LRRC4C: variants seen among roughly 807,000 people sequenced by gnomAD.
The protein encoded by LRRC4C is leucine-rich repeat-containing protein 4C.
Under a neutral mutation model 33.6 loss-of-function variants are expected in LRRC4C, and 5 were observed. That is an observed-to-expected ratio of 0.15 (90% CI 0.08 to 0.31). The LOEUF (loss-of-function observed/expected upper bound fraction) is 0.31. Ranked by LOEUF, LRRC4C falls within the 10% of genes least tolerant of loss-of-function variation. The pLI is 1.00. For missense variants in LRRC4C, 560 were observed against 796.7 expected, an observed-to-expected ratio of 0.70 and a Z score of 3.58; for synonymous variants, 329 against 302.0, an observed-to-expected ratio of 1.09 and a Z score of -0.93.
chr11:40,320,460 C>T (rs796757402), intron 3 of LRRC4C, among the ~76,000 whole-genome samples: 2 of 151,954 alleles, frequency 1.3e-5, no homozygotes, highest in African/African-American at 4.8e-5. Flanking sequence ...GAGCTGAGAT[C>T]GCGCCACTGC....
intron 1 of LRRC4C, among the ~76,000 whole-genome samples, chr11:41,367,691 A>G (rs534236994): frequency 6.6e-6 from 1 of 152,150 alleles, no homozygotes; most frequent in African/African-American, 2.4e-5. Context: ...TTTCTTTTAG[A>G]CACTCGGTAT....
intron 2 of LRRC4C, among the ~76,000 whole-genome samples, chr11:40,729,294 A>G (rs1449706987): frequency 3.3e-5 from 5 of 152,212 alleles, no homozygotes; most frequent in Non-Finnish European, 7.3e-5. Flanking sequence ...TTTTACAGTC[A>G]TTAGGTCAAA....
chr11:40,651,631 A>C lies in LRRC4C; in HGVS notation c.-406-3353T>G, dbSNP rs758494831. 3.7e-4 allele frequency among the ~76,000 whole-genome samples: 56 copies of C among 152,220 alleles called. 1 individual carries two copies. Among genetic ancestry groups the C allele is most frequent in the Middle Eastern group, 3.2e-3 (1 of 316 alleles). On this transcript the variant is annotated intron_variant, in intron 2 of 6. Coordinates refer to ENST00000528697, the MANE Select transcript of LRRC4C (RefSeq NM_001258419.2). The stretch of plus-strand genomic sequence containing the variant: ...GGGAAAAATTAGTGCATCAATGGAA[A>C]ACTATACGTTTAGCACACCCTTCTG...
chr11:40,141,010 A>G (rs1857326543), intron 5 of LRRC4C, among the ~76,000 whole-genome samples, 157 bp from the exon 6 acceptor site: 2 of 152,162 alleles, frequency 1.3e-5, no homozygotes, highest in African/African-American at 2.4e-5. Context: ...CCTGGGCAGA[A>G]AGCCAAAGCA....
intron 3 of LRRC4C, among the ~76,000 whole-genome samples, chr11:40,523,668 A>G (rs1212646448): frequency 6.6e-6 from 1 of 151,486 alleles, no homozygotes; most frequent in Non-Finnish European, 1.5e-5. Context: ...GGTTTCCATA[A>G]GGAGAGGTAA....
intron 3 of LRRC4C, among the ~76,000 whole-genome samples, chr11:40,515,420 A>G (rs1211306780): frequency 6.6e-6 from 1 of 152,106 alleles, no homozygotes; most frequent in Non-Finnish European, 1.5e-5. Context: ...TTTCTTTTCT[A>G]TATGTGAATA....
In LRRC4C at chr11:41,427,017, GA is replaced by G. The variant is rs1198184187; in HGVS notation, c.-496+32413del. 6.3e-4 allele frequency among the ~76,000 whole-genome samples: 96 copies of G among 152,270 alleles called. 1 individual carries two copies. Among genetic ancestry groups the G allele is most frequent in the Non-Finnish European group, 1.5e-5 (1 of 68,004 alleles). ...AGTTGTTTAGTCAAAGCAATTTACA[GA>G]ACCAATTTGATAATTTCAGGGAGAA... On this transcript the variant is annotated intron_variant, in intron 1 of 6. Coordinates refer to ENST00000528697, the MANE Select transcript of LRRC4C (RefSeq NM_001258419.2).
chr11:41,393,274 A>G (rs923786673), intron 1 of LRRC4C, among the ~76,000 whole-genome samples: 1 of 151,926 alleles, frequency 6.6e-6, no homozygotes, highest in African/African-American at 2.4e-5. Flanking sequence ...GGCAAACTAC[A>G]TCTCCATAGA....
At chr11:40,214,061 C>G (rs1454070401) in intron 5 of LRRC4C, among the ~76,000 whole-genome samples, 1 of 152,186 alleles carries the variant, frequency 6.6e-6, no homozygotes, top group Non-Finnish European at 1.5e-5. Context: ...ATGCTGTGGA[C>G]TAAATTGTGT....
intron 6 of LRRC4C, among the ~76,000 whole-genome samples, chr11:40,135,852 C>T (rs963578122): frequency 4.6e-5 from 7 of 152,040 alleles, no homozygotes; most frequent in African/African-American, 1.2e-4. Flanking sequence ...AAAGGCATAC[C>T]GCAAAAATAA....
At position 41,379,096 on chromosome 11, in the gene LRRC4C, G is replaced by A. The variant is rs1215739215; in HGVS notation, c.-496+80335C>T. Reference sequence around the variant, plus strand: ...ATACCCACACTTTACTCCCAAAGGGGTAGGGCCCTGTATCTAAGTGGTTTC... The same window carrying A: ...ATACCCACACTTTACTCCCAAAGGGATAGGGCCCTGTATCTAAGTGGTTTC... On this transcript the variant is annotated intron_variant, in intron 1 of 6. Coordinates refer to ENST00000528697, the MANE Select transcript of LRRC4C (RefSeq NM_001258419.2). Among the ~76,000 whole-genome samples, 8 of 151,876 alleles carry A rather than the reference G, an allele frequency of 5.3e-5. No homozygotes were observed. The East Asian group carries it at 1.5e-3, about 29-fold the overall frequency.
In LRRC4C at chr11:40,884,984, G is replaced by T. The variant is rs138563702; in HGVS notation, c.-407+48651C>A. Among the ~76,000 whole-genome samples, 347 of 152,072 alleles carry T rather than the reference G, an allele frequency of 2.3e-3. 2 individuals are homozygous for T. Among genetic ancestry groups the T allele is most frequent in the African/African-American group, 7.9e-3 (327 of 41,524 alleles). On this transcript the variant is annotated intron_variant, in intron 2 of 6. Transcript: ENST00000528697. ...ATAGACACTGGAACTTCAAAAAGGT[G>T]GGGGGTGAGAAAGGAGTGAGGGATG...
intron 1 of LRRC4C, among the ~76,000 whole-genome samples, chr11:41,087,244 T>C (rs1940067624): frequency 6.6e-6 from 1 of 152,116 alleles, no homozygotes; most frequent in South Asian, 2.1e-4. Flanking sequence ...CATAGCTGAA[T>C]CCACGCCCAT....
chr11:40,547,916 T>A (rs1047817903), intron 3 of LRRC4C, among the ~76,000 whole-genome samples: 7 of 152,104 alleles, frequency 4.6e-5, no homozygotes, highest in Admixed American at 6.6e-5. Context: ...CCAGACACTG[T>A]TCTAGTGATT....
intron 2 of LRRC4C, among the ~76,000 whole-genome samples, chr11:40,722,102 A>C (rs1156692932): frequency 6.6e-6 from 1 of 152,222 alleles, no homozygotes; most frequent in African/African-American, 2.4e-5. Flanking sequence ...AATGTATTTA[A>C]AAATTGCTAG....
intron 5 of LRRC4C, among the ~76,000 whole-genome samples, chr11:40,236,917 C>T (rs1375509131): frequency 6.6e-6 from 1 of 152,006 alleles, no homozygotes; most frequent in Non-Finnish European, 1.5e-5. Context: ...GAAGTAAGTG[C>T]TTAATATGTA....
chr11:40,180,582 G>A (rs1860906093), intron 5 of LRRC4C, among the ~76,000 whole-genome samples: 1 of 152,138 alleles, frequency 6.6e-6, no homozygotes, highest in South Asian at 2.1e-4. Context: ...TTTTTTGTTG[G>A]AATATGGCTA....
chr11:40,895,845 C>T (rs183516925), intron 2 of LRRC4C, among the ~76,000 whole-genome samples: 4 of 152,214 alleles, frequency 2.6e-5, no homozygotes, highest in Non-Finnish European at 5.9e-5. Context: ...GTTATCCTGG[C>T]ATCTGAGCCC....
intron 2 of LRRC4C, among the ~76,000 whole-genome samples, chr11:40,872,526 T>C (rs1954702766): frequency 6.6e-6 from 1 of 152,124 alleles, no homozygotes; most frequent in Non-Finnish European, 1.5e-5. Flanking sequence ...TGAATAATTT[T>C]CGACTCTATG....
Sources: gnomAD v4.1 joint callset for allele counts (sites outside exome capture counted in the v4.1 genomes callset) on GRCh38, gnomAD v4.1.1 for gene constraint, MANE v1.5 for transcripts, NCBI Gene and HGNC (gene_info 2026-07-23, HGNC 2026-07-21) for gene names.